Variants in CFL2 observed in about 807,000 individuals in gnomAD.
CFL2 encodes cofilin 2, also known as cofilin-2.
CFL2 carries 10 observed loss-of-function variants against 19.6 expected under a neutral mutation model. That is an observed-to-expected ratio of 0.51 (90% CI 0.31 to 0.86). The LOEUF is 0.86. CFL2 is among the 40% of genes least tolerant of loss of function. The pLI is 0.04. For missense variants in CFL2, 125 were observed against 192.1 expected (o/e 0.65, Z 2.06); for synonymous variants, 63 against 66.7 (o/e 0.95, Z 0.27).
rs200536303 is a variant in CFL2, at chr14:34,713,396, C to T, written c.169G>A (p.Val57Met). The T allele has an allele frequency of 1.4e-4, 234 of 1,613,992 alleles. 1 individual carries two copies. The highest frequency in any genetic ancestry group is 1.3e-4 in the Non-Finnish European group (159 of 1,180,028). The change falls in exon 2 of 4, where the codon GTG becomes ATG. Residue 57 changes from valine to methionine, a missense_variant. By Grantham distance (21) the Val-to-Met change is conservative (BLOSUM62 1). Coordinates refer to ENST00000298159, the MANE Select transcript of CFL2 (RefSeq NM_138638.5). ...TCTACAGTATCACCAATGTCACCCA[C>T]CAAGATCTGCTTTGCTTCCTCTACA... ...IIVEEAKQILVGDIGDTVEDP... is the reference protein window; with the variant it reads ...IIVEEAKQILMGDIGDTVEDP...
At chr14:34,714,354 G>A in intron 1 of CFL2, 184 bp downstream of exon 1, 1 of 1,010,760 alleles carries the variant, frequency 9.9e-7, no homozygotes, top group Admixed American at 4.1e-5. Flanking sequence ...AAAATCCAAA[G>A]AGCAGCAGGG....
In CFL2 at chr14:34,712,986, A is replaced by G. The variant is rs935560061; in HGVS notation, c.389-9T>C. 6.3e-7 allele frequency: 1 copy of G among 1,582,604 alleles called. No individual in the cohort carries two copies. Among genetic ancestry groups the G allele is most frequent in the Non-Finnish European group, 8.7e-7 (1 of 1,151,914 alleles). On this transcript the variant is annotated splice_polypyrimidine_tract_variant and intron_variant, in intron 3 of 3. Coordinates refer to ENST00000298159, the MANE Select transcript of CFL2 (RefSeq NM_138638.5). ...CCACTCATGTTTAATACCTAAAAAGAAAAAACATTATCCTATTACTTTATT... is the reference window on the plus strand; with the variant it reads ...CCACTCATGTTTAATACCTAAAAAGGAAAAACATTATCCTATTACTTTATT...
Position 34,713,426 on chromosome 14 carries a change from T to C in CFL2, c.139A>G (p.Ile47Val), listed in dbSNP as rs1265789006. The change falls in exon 2 of 4, where the codon ATA becomes GTA. Residue 47 changes from isoleucine to valine, a missense_variant. By Grantham distance (29) the Ile-to-Val change is conservative (BLOSUM62 3). Transcript: ENST00000298159. ...LFCLSDDKRQ[I>V]IVEEAKQILV... is the part of the protein sequence containing the mutation. The stretch of plus-strand genomic sequence containing the variant: ...ATCTGCTTTGCTTCCTCTACAATTA[T>C]TTGTCTTTTGTCATCGCTTAAACAG... 1 of 1,614,040 alleles carries C rather than the reference T, an allele frequency of 6.2e-7. No individual in the cohort carries two copies. The highest frequency in any genetic ancestry group is 1.3e-5 in the African/African-American group (1 of 74,936).
chr14:34,713,000 T>C, intron 3 of CFL2, 23 bp from the exon 4 acceptor site: 2 of 1,554,726 alleles, frequency 1.3e-6, no homozygotes, highest in Non-Finnish European at 8.8e-7. Context: ...AACATTATCC[T>C]ATTACTTTAT....
intron 1 of CFL2, chr14:34,713,869 C>T: frequency 6.8e-7 from 1 of 1,474,008 alleles, no homozygotes. Context: ...GGAGTGGCAG[C>T]AAAAATACCT....
intron 1 of CFL2, 112 bp from the exon 2 acceptor site, chr14:34,713,673 C>A (rs749922100): frequency 6.2e-7 from 1 of 1,613,246 alleles, no homozygotes. Flanking sequence ...TTGCACCGTA[C>A]CATGTAAGTC....
At position 34,711,397 on chromosome 14, in the gene CFL2, G is replaced by A. The variant is rs1198379296; in HGVS notation, c.*1468C>T. ...TGGCTAACAGCAAACCGCTCACACTGAGCAGATCAAATTCTCTATAAGGAG... is the reference window on the plus strand; with the variant it reads ...TGGCTAACAGCAAACCGCTCACACTAAGCAGATCAAATTCTCTATAAGGAG... On this transcript the variant is annotated 3_prime_UTR_variant, in exon 4 of 4. Transcript: ENST00000298159. The A allele has an allele frequency of 1.1e-5, 5 of 454,390 alleles. No individual in the cohort carries two copies. The Admixed American group carries it at 1.2e-4, about 11-fold the overall frequency. 28.1% of individuals were successfully genotyped at this position (454,390 alleles called of 1,614,324 possible).
chr14:34,713,310 G>A lies in CFL2; in HGVS notation c.255C>T (p.Tyr85=), dbSNP rs1057523939. The change falls in exon 2 of 4, where the codon TAC becomes TAT. Residue 85 remains tyrosine, a synonymous_variant. Coordinates refer to ENST00000298159, the MANE Select transcript of CFL2 (RefSeq NM_138638.5). ...LPLNDCRYAL[Y]DATYETKESK... is the part of the protein sequence containing the mutation. ...ACTCTTTTGTTTCGTATGTGGCATCGTACAAAGCATATCGGCAATCATTCA... is the reference window on the plus strand; with the variant it reads ...ACTCTTTTGTTTCGTATGTGGCATCATACAAAGCATATCGGCAATCATTCA... The A allele has an allele frequency of 1.2e-5, 19 of 1,613,520 alleles. No individual in the cohort carries two copies. The highest frequency in any genetic ancestry group is 1.6e-5 in the Non-Finnish European group (19 of 1,179,848).
chr14:34,714,372 T>A, intron 1 of CFL2, 166 bp downstream of exon 1: 1 of 1,181,010 alleles, frequency 8.5e-7, no homozygotes. Context: ...GGGCAGGGCC[T>A]GACGGCCGGA....
chr14:34,713,033 C>T, intron 3 of CFL2, 27 bp downstream of exon 3: 1 of 1,555,150 alleles, frequency 6.4e-7, no homozygotes, highest in Non-Finnish European at 8.8e-7. Flanking sequence ...AGAATAATTT[C>T]TCTGCCCCAA....
Position 34,711,334 on chromosome 14 carries a change from G to A in CFL2, c.*1531C>T. 1 of 454,516 alleles carries A rather than the reference G, an allele frequency of 2.2e-6. No individual in the cohort carries two copies. Among genetic ancestry groups the A allele is most frequent in the Middle Eastern group, 6.9e-4 (1 of 1,444 alleles). The allele number at this position is 454,516 out of a possible 1,614,324, so 28.2% of individuals were successfully genotyped here. Reference sequence around the variant, plus strand: ...AGTTTTGCCATTTGTGGATAACTATGACAAGATACAAAAGCATGTGTTTGC... The same window carrying A: ...AGTTTTGCCATTTGTGGATAACTATAACAAGATACAAAAGCATGTGTTTGC... On this transcript the variant is annotated 3_prime_UTR_variant, in exon 4 of 4. Transcript: ENST00000298159.
intron 1 of CFL2, 178 bp downstream of exon 1, chr14:34,714,360 C>A (rs984188358): frequency 2.8e-5 from 30 of 1,055,240 alleles, no homozygotes; most frequent in Admixed American, 2.4e-4. Context: ...CAAAGAGCAG[C>A]AGGGCAGGGC....
At position 34,711,034 on chromosome 14, in the gene CFL2, A is replaced by G; in HGVS notation, c.*1831T>C. The G allele has an allele frequency of 2.2e-6, 1 of 454,140 alleles. No homozygotes were observed. The highest frequency in any genetic ancestry group is 4.4e-6 in the Non-Finnish European group (1 of 226,798). 28.1% of individuals were successfully genotyped at this position (454,140 alleles called of 1,614,324 possible). On this transcript the variant is annotated 3_prime_UTR_variant, in exon 4 of 4. Transcript: ENST00000298159. ...CTGGAAGCCTGAAATAAAATTGCTCAGTGCAAAAAGATCCCAAACCATTCA... is the reference window on the plus strand; with the variant it reads ...CTGGAAGCCTGAAATAAAATTGCTCGGTGCAAAAAGATCCCAAACCATTCA...
intron 1 of CFL2, chr14:34,714,058 AAACT>A: frequency 2.4e-6 from 1 of 414,974 alleles, no homozygotes; most frequent in East Asian, 4.7e-5. Context: ...AGACACTCCA[AAACT>A]AACTGATCGA....
chr14:34,710,809 C>T lies in CFL2; in HGVS notation c.*2056G>A, dbSNP rs754768893. 1 of 452,646 alleles carries T rather than the reference C, an allele frequency of 2.2e-6. No homozygotes were observed. 28.0% of individuals were successfully genotyped at this position (452,646 alleles called of 1,614,324 possible). On this transcript the variant is annotated 3_prime_UTR_variant, in exon 4 of 4. Transcript: ENST00000298159. ...TACAAGAAAGTTAAGGAATCAGCTA[C>T]AAAAACAAAAGATACTACATAACTG...
chr14:34,714,192 G>C, intron 1 of CFL2: 2 of 375,998 alleles, frequency 5.3e-6, no homozygotes, highest in Admixed American at 4.5e-5. Flanking sequence ...TTCGCAGCAC[G>C]TACCAATTTT....
Position 34,713,579 on chromosome 14 carries a change from A to G in CFL2, c.4-18T>C, listed in dbSNP as rs1387065389. 1 of 1,614,106 alleles carries G rather than the reference A, an allele frequency of 6.2e-7. No homozygotes were observed. On this transcript the variant is annotated intron_variant, in intron 1 of 3. Coordinates refer to ENST00000298159, the MANE Select transcript of CFL2 (RefSeq NM_138638.5). ...CCAGAAGCCTGAAAATAAACACAGA[A>G]CAGTAATTCAGAACACGTATTTTGG...
rs1397126157 is a variant in CFL2 at position 34,711,484 on chromosome 14, A to G, written c.*1381T>C. 1 of 454,428 alleles carries G rather than the reference A, an allele frequency of 2.2e-6. No individual in the cohort carries two copies. Among genetic ancestry groups the G allele is most frequent in the East Asian group, 6.9e-5 (1 of 14,416 alleles). The allele number at this position is 454,428 out of a possible 1,614,324, so 28.1% of individuals were successfully genotyped here. On this transcript the variant is annotated 3_prime_UTR_variant, in exon 4 of 4. Transcript: ENST00000298159. ...TTTAAGACTGCTATTATCAATTCCT[A>G]TTCCAATTCAATTTGCAAAATATAT...
At position 34,710,850 on chromosome 14, in the gene CFL2, T is replaced by G. The variant is rs1332196105; in HGVS notation, c.*2015A>C. 1 of 453,914 alleles carries G rather than the reference T, an allele frequency of 2.2e-6. No homozygotes were observed. Among genetic ancestry groups the G allele is most frequent in the African/African-American group, 2.0e-5 (1 of 50,000 alleles). The allele number at this position is 453,914 out of a possible 1,614,324, so 28.1% of individuals were successfully genotyped here. On this transcript the variant is annotated 3_prime_UTR_variant, in exon 4 of 4. Coordinates refer to ENST00000298159, the MANE Select transcript of CFL2 (RefSeq NM_138638.5). Reference sequence around the variant, plus strand: ...TACATAACTGATTTATAGTCCCTTATTTTTTAAAAGAATGAGGAAATAACT... The same window carrying G: ...TACATAACTGATTTATAGTCCCTTAGTTTTTAAAAGAATGAGGAAATAACT...
Sources: allele counts gnomAD v4.1 joint callset, GRCh38; gene constraint gnomAD v4.1.1; transcripts MANE v1.5; gene names NCBI Gene and HGNC (gene_info 2026-07-23, HGNC 2026-07-21).